Variants in SMOC2 observed in about 807,000 individuals in gnomAD.
SMOC2 encodes SPARC related modular calcium binding 2, also known as SPARC-related modular calcium-binding protein 2.
In SMOC2, 39 loss-of-function variants were observed where a neutral mutation model predicts 61.4. The ratio of observed to expected loss-of-function variants is 0.64; its 90% CI spans 0.49 to 0.83. The LOEUF is 0.83. SMOC2 is among the 40% of genes least tolerant of loss of function. The probability of loss-of-function intolerance (pLI) is 0.00; values close to 1 mark genes in which losing one functional copy is unlikely to be tolerated. For missense variants in SMOC2, 556 were observed against 592.9 expected (o/e 0.94, Z 0.65); for synonymous variants, 247 against 239.9 (o/e 1.03, Z -0.27).
intron 7 of SMOC2, among the ~76,000 whole-genome samples, chr6:168,557,897 C>CT (rs1278855239): frequency 6.6e-6 from 1 of 152,222 alleles, no homozygotes; most frequent in Non-Finnish European, 1.5e-5. Flanking sequence ...TTCAAAATCT[C>CT]TTAAGTGGCT....
At chr6:168,576,771 G>A (rs887038024) in intron 7 of SMOC2, among the ~76,000 whole-genome samples, 6 of 152,044 alleles carry the variant, frequency 3.9e-5, no homozygotes, top group Non-Finnish European at 8.8e-5. Context: ...TGGCAGTGTC[G>A]TGATCGTGTT....
intron 9 of SMOC2, among the ~76,000 whole-genome samples, chr6:168,646,691 G>T (rs1317850755): frequency 6.6e-6 from 1 of 152,180 alleles, no homozygotes; most frequent in African/African-American, 2.4e-5. Context: ...CATAGGCTGG[G>T]GTCTCAGGGA....
chr6:168,531,183 T>C (rs1783593282), intron 4 of SMOC2, among the ~76,000 whole-genome samples: 1 of 152,092 alleles, frequency 6.6e-6, no homozygotes, highest in African/African-American at 2.4e-5. Flanking sequence ...AGGGCCACGG[T>C]TGCTTGCATG....
At chr6:168,556,102 G>A (rs769994061) in intron 7 of SMOC2, among the ~76,000 whole-genome samples, 2 of 152,130 alleles carry the variant, frequency 1.3e-5, no homozygotes, top group Non-Finnish European at 2.9e-5. Context: ...CCCCCTCCAC[G>A]TCCAGGCCTT....
At chr6:168,458,185 C>T (rs753265920) in intron 1 of SMOC2, among the ~76,000 whole-genome samples, 1 of 152,192 alleles carries the variant, frequency 6.6e-6, no homozygotes. Context: ...ATCAACGTAC[C>T]GGCTCATCAG....
chr6:168,660,786 G>A (rs1787489627), intron 11 of SMOC2, among the ~76,000 whole-genome samples: 1 of 152,250 alleles, frequency 6.6e-6, no homozygotes, highest in African/African-American at 2.4e-5. Flanking sequence ...GGGCAGGGAA[G>A]GGGCATGGAT....
intron 1 of SMOC2, among the ~76,000 whole-genome samples, chr6:168,496,651 T>C (rs1233685804): frequency 6.6e-6 from 1 of 152,160 alleles, no homozygotes; most frequent in Non-Finnish European, 1.5e-5. Context: ...GGCTGCGGCC[T>C]GAGAGGTGTC....
chr6:168,623,902 G>A (rs985155289), intron 9 of SMOC2, among the ~76,000 whole-genome samples: 2 of 152,206 alleles, frequency 1.3e-5, no homozygotes, highest in Admixed American at 6.5e-5. Context: ...TGGCTGTGGG[G>A]ATGGCAGAGG....
At chr6:168,519,099 G>A (rs57938854) in intron 2 of SMOC2, among the ~76,000 whole-genome samples, 16,334 of 150,034 alleles carry the variant, frequency 0.11, 1,056 homozygotes, top group South Asian at 0.19. Flanking sequence ...GTGAACATGC[G>A]TGTGTGAACG....
At chr6:168,526,502 G>A in intron 3 of SMOC2, 50 bp downstream of exon 3, 2 of 1,497,952 alleles carry the variant, frequency 1.3e-6, no homozygotes, top group Non-Finnish European at 9.3e-7. Flanking sequence ...TAGGGAGGGA[G>A]ATGTGGAGCG....
At chr6:168,530,450 C>T (rs886426135) in intron 4 of SMOC2, among the ~76,000 whole-genome samples, 6 of 152,030 alleles carry the variant, frequency 3.9e-5, no homozygotes, top group South Asian at 2.1e-4. Flanking sequence ...AGCAGAAAAA[C>T]GGCCAAAAGT....
Position 168,535,784 on chromosome 6 carries a change from G to A in SMOC2, c.464-7841G>A, listed in dbSNP as rs183181617. The stretch of plus-strand genomic sequence containing the variant: ...CAGGAGAGAGGCAGCGCCGCCGGGG[G>A]AAGATGGGAGGGAGACCAATGCGCA... On this transcript the variant is annotated intron_variant, in intron 4 of 12. Transcript: ENST00000356284. The surrounding 1 kb of genome is among the most constrained non-coding windows in gnomAD (Gnocchi z 4.6). Among the ~76,000 whole-genome samples, 9 of 152,352 alleles carry A rather than the reference G, an allele frequency of 5.9e-5. No individual in the cohort carries two copies. The East Asian group carries it at 1.7e-3, about 29-fold the overall frequency.
At chr6:168,455,078 G>T (rs1225137818) in intron 1 of SMOC2, among the ~76,000 whole-genome samples, 1 of 152,112 alleles carries the variant, frequency 6.6e-6, no homozygotes, top group Non-Finnish European at 1.5e-5. Context: ...AGGGGCCCCT[G>T]CAGGGTGCCG....
intron 1 of SMOC2, among the ~76,000 whole-genome samples, chr6:168,451,851 G>A (rs1234732607): frequency 2.0e-5 from 3 of 152,230 alleles, no homozygotes; most frequent in Admixed American, 1.3e-4. Context: ...TAAAACCCAG[G>A]TGGAGTCATA....
At chr6:168,482,749 A>G (rs1562550081) in intron 1 of SMOC2, among the ~76,000 whole-genome samples, 1 of 152,128 alleles carries the variant, frequency 6.6e-6, no homozygotes, top group Non-Finnish European at 1.5e-5. Flanking sequence ...ATGAATCAAT[A>G]TGTAAAATCA....
At chr6:168,599,536 C>CA (rs1785460371) in intron 8 of SMOC2, among the ~76,000 whole-genome samples, 9 of 69,502 alleles carry the variant, frequency 1.3e-4, no homozygotes, top group Non-Finnish European at 1.9e-4. Flanking sequence ...CCCCACACAC[C>CA]CACTCACACA....
At chr6:168,646,851 T>G (rs1787045629) in intron 9 of SMOC2, among the ~76,000 whole-genome samples, 1 of 152,212 alleles carries the variant, frequency 6.6e-6, no homozygotes, top group South Asian at 2.1e-4. Context: ...AGGACTTGGA[T>G]TCTGCAGATC....
At chr6:168,462,426 A>G (rs761773217) in intron 1 of SMOC2, among the ~76,000 whole-genome samples, 22 of 152,030 alleles carry the variant, frequency 1.4e-4, no homozygotes, top group African/African-American at 5.1e-4. Context: ...CGGCCTCCCT[A>G]TCTTCCCAGG....
At chr6:168,660,957 T>G (rs1787494189) in intron 11 of SMOC2, among the ~76,000 whole-genome samples, 3 of 152,354 alleles carry the variant, frequency 2.0e-5, no homozygotes, top group African/African-American at 7.2e-5. Flanking sequence ...GTCTCATTTT[T>G]ACTGTCTTCT....
Sources: allele counts gnomAD v4.1 joint callset (sites outside exome capture counted in the v4.1 genomes callset), GRCh38; gene constraint gnomAD v4.1.1; non-coding constraint Gnocchi (gnomAD v3.1); transcripts MANE v1.5; gene names NCBI Gene and HGNC (gene_info 2026-07-23, HGNC 2026-07-21).